The following UTRN variants were observed in gnomAD, a reference collection of about 807,000 sequenced individuals.
UTRN encodes dystrophin-related protein 1.
In UTRN, 283 loss-of-function variants were observed where a neutral mutation model predicts 463.9. That is an observed-to-expected ratio of 0.61 (90% confidence interval 0.55 to 0.67). The LOEUF is 0.67. UTRN is among the 30% of genes least tolerant of loss of function. UTRN has a pLI of 0.00. For missense variants in UTRN, 3,922 were observed against 4,084.3 expected (o/e 0.96, Z 1.08); for synonymous variants, 1,442 against 1,431.5 (o/e 1.01, Z -0.17).
In UTRN at chr6:144,565,117, C is replaced by T. The variant is rs958681196; in HGVS notation, c.7289+7806C>T. On this transcript the variant is annotated intron_variant, in intron 50 of 74. Coordinates refer to ENST00000367545, the MANE Select transcript of UTRN (RefSeq NM_007124.3). ...TGATGGAAATAAGATGTTAGATTTGCGATATGCCTTGGAAGTAGAAAAGAC... is the reference window on the plus strand; with the variant it reads ...TGATGGAAATAAGATGTTAGATTTGTGATATGCCTTGGAAGTAGAAAAGAC... Among the ~76,000 whole-genome samples the T allele has an allele frequency of 9.9e-5, 15 of 152,002 alleles. No homozygotes were observed. In the South Asian group the frequency reaches 1.0e-3, roughly 11 times the overall value.
intron 2 of UTRN, among the ~76,000 whole-genome samples, chr6:144,326,745 G>C (rs1775998269): frequency 6.6e-6 from 1 of 152,126 alleles, no homozygotes; most frequent in Non-Finnish European, 1.5e-5. Flanking sequence ...TGCAACCATG[G>C]ATGGCTGTTG....
At chr6:144,596,063 G>A (rs1803610926) in intron 51 of UTRN, among the ~76,000 whole-genome samples, 1 of 152,182 alleles carries the variant, frequency 6.6e-6, no homozygotes, top group Non-Finnish European at 1.5e-5. Flanking sequence ...AAGCTGAGCA[G>A]TAAGCTTGAT....
chr6:144,531,013 A>C, intron 41 of UTRN, 39 bp from the exon 42 acceptor site: 1 of 1,587,394 alleles, frequency 6.3e-7, no homozygotes, highest in South Asian at 1.1e-5. Context: ...AGTCCTGGAA[A>C]ATTTGGAAAC....
rs1026533601 is a variant in UTRN at position 144,852,042 on chromosome 6, A to T, written c.*1045A>T. On this transcript the variant is annotated 3_prime_UTR_variant, in exon 75 of 75. Coordinates refer to ENST00000367545, the MANE Select transcript of UTRN (RefSeq NM_007124.3). ...ATTTTATTGTTGTTTTGTATTTTCA[A>T]GTCCTTAATAGTTCTTGAAACTCCT... The T allele has an allele frequency of 4.6e-5, 7 of 152,122 alleles. No homozygotes were observed. The highest frequency in any genetic ancestry group is 1.0e-4 in the Non-Finnish European group (7 of 68,016). The allele number at this position is 152,122 out of a possible 1,614,324, so 9.4% of individuals were successfully genotyped here.
In UTRN at chr6:144,487,712, A is replaced by G. The variant is rs758609613; in HGVS notation, c.3972+15A>G. On this transcript the variant is annotated intron_variant, in intron 29 of 74. Coordinates refer to ENST00000367545, the MANE Select transcript of UTRN (RefSeq NM_007124.3). ...TAAGTCACCTGGTAAGAGTTGGGAC[A>G]TACATGGGTGTTGATTAGGTATTGA... 2.5e-6 allele frequency: 4 copies of G among 1,592,594 alleles called. No homozygotes were observed. The highest frequency in any genetic ancestry group is 3.4e-5 in the Admixed American group (2 of 58,018).
At chr6:144,567,002 C>A (rs1389505616) in intron 50 of UTRN, among the ~76,000 whole-genome samples, 1 of 151,902 alleles carries the variant, frequency 6.6e-6, no homozygotes, top group Admixed American at 6.6e-5. Flanking sequence ...CAAAAATCAG[C>A]TGGGTGTGGT....
intron 51 of UTRN, among the ~76,000 whole-genome samples, chr6:144,655,915 G>T (rs1027736720): frequency 1.3e-5 from 2 of 152,096 alleles, no homozygotes; most frequent in African/African-American, 4.8e-5. Flanking sequence ...GAAAGTTGTT[G>T]GCAAAGCCAT....
intron 58 of UTRN, among the ~76,000 whole-genome samples, chr6:144,762,774 T>G (rs922907248): frequency 2.0e-5 from 3 of 152,206 alleles, no homozygotes; most frequent in Non-Finnish European, 4.4e-5. Context: ...GCGAGTAAGA[T>G]GGCCAACAAA....
chr6:144,446,002 C>G (rs1444040226), intron 14 of UTRN, among the ~76,000 whole-genome samples: 1 of 152,114 alleles, frequency 6.6e-6, no homozygotes, highest in East Asian at 1.9e-4. Flanking sequence ...GCACTCCAGT[C>G]TGGGTGACAG....
At chr6:144,678,306 A>G in intron 51 of UTRN, 100 bp from the exon 52 acceptor site, 2 of 1,121,808 alleles carry the variant, frequency 1.8e-6, no homozygotes, top group South Asian at 2.1e-5. Flanking sequence ...TTATAATTTA[A>G]GGTGAAATGA....
chr6:144,787,806 T>C (rs1420442718), intron 61 of UTRN, among the ~76,000 whole-genome samples: 1 of 152,192 alleles, frequency 6.6e-6, no homozygotes, highest in African/African-American at 2.4e-5. Context: ...TGTAAACTTT[T>C]AGTTATAGGT....
chr6:144,396,826 C>A (rs1334286883), intron 2 of UTRN, among the ~76,000 whole-genome samples: 1 of 152,154 alleles, frequency 6.6e-6, no homozygotes, highest in Non-Finnish European at 1.5e-5. Flanking sequence ...AGTCCTTGAC[C>A]TCTCTGGTCA....
At chr6:144,365,999 A>G (rs1157168887) in intron 2 of UTRN, among the ~76,000 whole-genome samples, 2 of 152,126 alleles carry the variant, frequency 1.3e-5, no homozygotes, top group African/African-American at 2.4e-5. Flanking sequence ...CGGCCTCCCA[A>G]AGTGCTGGGA....
At position 144,459,025 on chromosome 6, in the gene UTRN, G is replaced by C. The variant is rs371590372; in HGVS notation, c.2526+14G>C. The C allele has an allele frequency of 3.2e-6, 5 of 1,585,622 alleles. No individual in the cohort carries two copies. In the East Asian group the frequency reaches 9.0e-5, roughly 28 times the overall value. On this transcript the variant is annotated intron_variant, in intron 20 of 74. Coordinates refer to ENST00000367545, the MANE Select transcript of UTRN (RefSeq NM_007124.3). Reference sequence around the variant, plus strand: ...GATTCCTGTCAGGTAAGGAGCCAACGGTCTGGAAAGTGGAGGAATTCTATG... The same window carrying C: ...GATTCCTGTCAGGTAAGGAGCCAACCGTCTGGAAAGTGGAGGAATTCTATG...
intron 51 of UTRN, among the ~76,000 whole-genome samples, chr6:144,654,560 C>G (rs1779137920): frequency 6.6e-6 from 1 of 152,200 alleles, no homozygotes; most frequent in South Asian, 2.1e-4. Flanking sequence ...ACTAAATCTA[C>G]ATAGCTGAAG....
intron 2 of UTRN, chr6:144,333,260 C>T (rs1220645551): frequency 6.6e-6 from 1 of 152,120 alleles, no homozygotes; most frequent in Non-Finnish European, 1.5e-5. Flanking sequence ...CCTTTTAATT[C>T]AATACAGTCT....
intron 3 of UTRN, among the ~76,000 whole-genome samples, chr6:144,417,645 C>G (rs945403095): frequency 6.6e-6 from 1 of 151,998 alleles, no homozygotes; most frequent in African/African-American, 2.4e-5. Context: ...GCAAAAAAAT[C>G]AAAAGAAGAG....
intron 13 of UTRN, among the ~76,000 whole-genome samples, 154 bp from the exon 14 acceptor site, chr6:144,444,127 C>T (rs530481579): frequency 6.1e-4 from 93 of 152,098 alleles, no homozygotes; most frequent in African/African-American, 2.2e-3. Flanking sequence ...CATTTCTAGG[C>T]CTAGTCTGTT....
At chr6:144,769,926 A>G (rs545873738) in intron 58 of UTRN, among the ~76,000 whole-genome samples, 1 of 152,286 alleles carries the variant, frequency 6.6e-6, no homozygotes, top group South Asian at 2.1e-4. Flanking sequence ...GAGACTCTGC[A>G]TTTCTGTAAA....
Sources: allele counts gnomAD v4.1 joint callset (sites outside exome capture counted in the v4.1 genomes callset), GRCh38; gene constraint gnomAD v4.1.1; transcripts MANE v1.5; gene names NCBI Gene and HGNC (gene_info 2026-07-23, HGNC 2026-07-21).